The following ZNF362 variants were observed in gnomAD, a reference collection of about 807,000 sequenced individuals.
ZNF362 encodes rotund homolog.
A neutral mutation model predicts 42.9 loss-of-function variants in ZNF362; 11 were observed. The ratio of observed to expected loss-of-function variants is 0.26; its 90% CI spans 0.16 to 0.42. The LOEUF (loss-of-function observed/expected upper bound fraction) is 0.42. Among genes scored for constraint, ZNF362 ranks in the 20% least tolerant of loss-of-function variants. The probability of loss-of-function intolerance (pLI) is 1.00; values close to 1 mark genes in which losing one functional copy is unlikely to be tolerated. For missense variants in ZNF362, 362 were observed against 576.2 expected, an observed-to-expected ratio of 0.63 and a Z score of 3.81; for synonymous variants, 255 against 257.3, an observed-to-expected ratio of 0.99 and a Z score of 0.09.
chr1:33,151,785 G>A, the ZNF362 span, among the ~76,000 whole-genome samples: 1 of 152,238 alleles, frequency 6.6e-6, no homozygotes, highest in South Asian at 2.1e-4. Context: ...ATCATGGACT[G>A]TGGAGGTCCC....
chr1:33,256,992 C>T (rs1275529465), intron 1 of ZNF362, among the ~76,000 whole-genome samples: 1 of 152,056 alleles, frequency 6.6e-6, no homozygotes, highest in Non-Finnish European at 1.5e-5. Flanking sequence ...CTCCGGTAAA[C>T]AATGATTCAT....
At chr1:33,233,311 C>T in the ZNF362 span, among the ~76,000 whole-genome samples, 1 of 152,244 alleles carries the variant, frequency 6.6e-6, no homozygotes, top group Non-Finnish European at 1.5e-5. Flanking sequence ...CACATGCTCT[C>T]AGAGGCCTTT....
chr1:33,167,747 GGCCTT>G, the ZNF362 span, among the ~76,000 whole-genome samples: 1 of 152,116 alleles, frequency 6.6e-6, no homozygotes, highest in African/African-American at 2.4e-5. This position sits in a 1 kb window ranked among gnomAD's most constrained non-coding sequence, Gnocchi z 4.2. Flanking sequence ...GACCAGGGAG[GGCCTT>G]GGTAAATGTC....
the ZNF362 span, among the ~76,000 whole-genome samples, chr1:33,130,188 G>T: frequency 6.6e-6 from 1 of 152,204 alleles, no homozygotes; most frequent in Non-Finnish European, 1.5e-5. Flanking sequence ...GGTGCACTAG[G>T]AGGCAAGGAA....
intron 4 of ZNF362, among the ~76,000 whole-genome samples, chr1:33,277,656 T>C (rs761541051): frequency 5.3e-5 from 8 of 151,806 alleles, no homozygotes; most frequent in Non-Finnish European, 1.2e-4. Context: ...TGGACAGATA[T>C]GAGATACATT....
At chr1:33,158,164 A>C in the ZNF362 span, 1 of 1,218,954 alleles carries the variant, frequency 8.2e-7, no homozygotes, top group Non-Finnish European at 1.2e-6. Context: ...CATTCACCCC[A>C]ACTGCCCCAT....
intron 1 of ZNF362, among the ~76,000 whole-genome samples, chr1:33,263,339 G>A (rs1645841852): frequency 6.6e-6 from 1 of 152,124 alleles, no homozygotes; most frequent in South Asian, 2.1e-4. Flanking sequence ...ATAGATGGGA[G>A]GAAAACTGAT....
the ZNF362 span, among the ~76,000 whole-genome samples, chr1:33,135,981 C>T: frequency 2.6e-5 from 4 of 151,734 alleles, no homozygotes; most frequent in African/African-American, 9.7e-5. Context: ...TGGGACTTGC[C>T]CAAAGCCAAT....
chr1:33,218,978 CACAT>C, the ZNF362 span, among the ~76,000 whole-genome samples: 7 of 134,446 alleles, frequency 5.2e-5, no homozygotes, highest in South Asian at 2.5e-4. Context: ...CACACACACA[CACAT>C]ACACCACCCC....
At chr1:33,142,783 A>G in the ZNF362 span, 1 of 152,212 alleles carries the variant, frequency 6.6e-6, no homozygotes, top group South Asian at 2.1e-4. Flanking sequence ...ATTTCCAGAG[A>G]GGTCCAGTAA....
the ZNF362 span, among the ~76,000 whole-genome samples, chr1:33,127,604 G>C: frequency 6.6e-6 from 1 of 152,196 alleles, no homozygotes. Flanking sequence ...ACCGGAAGTG[G>C]GCTTATTTGC....
intron 6 of ZNF362, among the ~76,000 whole-genome samples, chr1:33,285,680 G>A (rs1362374200): frequency 6.6e-6 from 1 of 152,168 alleles, no homozygotes; most frequent in Non-Finnish European, 1.5e-5. Flanking sequence ...ACCCAGGGAG[G>A]TTGAGTTTCT....
At chr1:33,269,524 C>T (rs1645886987) in intron 1 of ZNF362, among the ~76,000 whole-genome samples, 1 of 152,114 alleles carries the variant, frequency 6.6e-6, no homozygotes, top group Non-Finnish European at 1.5e-5. Flanking sequence ...TCCCATGTGA[C>T]CATGGGGTCT....
At chr1:33,159,728 G>A in the ZNF362 span, 635 of 1,611,946 alleles carry the variant, frequency 3.9e-4, 1 homozygote, top group Admixed American at 5.7e-4. This position sits in a 1 kb window ranked among gnomAD's most constrained non-coding sequence, Gnocchi z 4.2. Context: ...AAGGTGTGCC[G>A]GTCGGTTTCA....
chr1:33,220,159 A>G, the ZNF362 span, among the ~76,000 whole-genome samples: 3 of 152,102 alleles, frequency 2.0e-5, no homozygotes, highest in African/African-American at 7.2e-5. Flanking sequence ...AAAGGTGGGC[A>G]GGGAAGGGGT....
chr1:33,261,093 C>G (rs1645825255), intron 1 of ZNF362: 2 of 152,142 alleles, frequency 1.3e-5, no homozygotes, highest in African/African-American at 4.8e-5. Context: ...ATTTAGGTAT[C>G]ATGGAGCAGT....
At chr1:33,252,708 T>C (rs912706114), upstream of ZNF362, among the ~76,000 whole-genome samples, 1 of 152,230 alleles carries the variant, frequency 6.6e-6, no homozygotes, top group Non-Finnish European at 1.5e-5. Flanking sequence ...GCTTTGTAAA[T>C]ACTTGAATGA....
At chr1:33,150,187 T>A in the ZNF362 span, among the ~76,000 whole-genome samples, 1 of 152,192 alleles carries the variant, frequency 6.6e-6, no homozygotes, top group African/African-American at 2.4e-5. Flanking sequence ...TGAGGAAAAG[T>A]GGGAAGAAGG....
chr1:33,174,786 G>T, the ZNF362 span, among the ~76,000 whole-genome samples: 1 of 152,010 alleles, frequency 6.6e-6, no homozygotes, highest in Non-Finnish European at 1.5e-5. Flanking sequence ...CAGTTTATGG[G>T]CCTATCTTTC....
Sources: allele counts gnomAD v4.1 joint callset (sites outside exome capture counted in the v4.1 genomes callset), GRCh38; gene constraint gnomAD v4.1.1; non-coding constraint Gnocchi (gnomAD v3.1); transcripts MANE v1.5; gene names NCBI Gene and HGNC (gene_info 2026-07-23, HGNC 2026-07-21).